Variants in KANSL1 observed in about 807,000 individuals in gnomAD.
KANSL1 encodes KAT8 regulatory NSL complex subunit 1.
Under a neutral mutation model 103.6 loss-of-function variants are expected in KANSL1, and 22 were observed. The observed-to-expected ratio is 0.21, with a 90% confidence interval of 0.15 to 0.30. The LOEUF (loss-of-function observed/expected upper bound fraction) is 0.30. Ranked by LOEUF, KANSL1 falls within the 10% of genes least tolerant of loss-of-function variation. KANSL1 has a pLI of 1.00. For synonymous variants in KANSL1, 600 were observed against 527.6 expected (o/e 1.14, Z -1.88); for missense variants, 1,337 against 1,399.8 (o/e 0.96, Z 0.72).
At chr17:46,064,824 CA>C (rs2078315310) in intron 6 of KANSL1, among the ~76,000 whole-genome samples, 1 of 151,440 alleles carries the variant, frequency 6.6e-6, no homozygotes, top group Admixed American at 6.6e-5. Flanking sequence ...AGCTCTCCAG[CA>C]CTCTCTATTC....
At chr17:46,119,345 G>C (rs1231974919) in intron 2 of KANSL1, among the ~76,000 whole-genome samples, 1 of 151,276 alleles carries the variant, frequency 6.6e-6, no homozygotes. Flanking sequence ...TTTGAGATGG[G>C]GAGTCTCGCT....
At chr17:46,169,805 G>A (rs1404723749) in intron 2 of KANSL1, among the ~76,000 whole-genome samples, 4 of 152,128 alleles carry the variant, frequency 2.6e-5, no homozygotes, top group East Asian at 1.9e-4. Flanking sequence ...GGAATGAAAC[G>A]TCTCTGTCTC....
intron 4 of KANSL1, among the ~76,000 whole-genome samples, chr17:46,081,153 A>T (rs1184137036): frequency 6.6e-6 from 1 of 152,206 alleles, no homozygotes; most frequent in Non-Finnish European, 1.5e-5. Context: ...TGTCCTTCAG[A>T]AGTGCTGAGG....
chr17:46,062,902 T>C (rs547546759), intron 6 of KANSL1, among the ~76,000 whole-genome samples: 2 of 151,468 alleles, frequency 1.3e-5, no homozygotes, highest in South Asian at 4.2e-4. Context: ...ATACAAAAAA[T>C]AGCTGGGCGT....
chr17:46,209,820 A>C (rs2048099450), intron 1 of KANSL1, among the ~76,000 whole-genome samples: 1 of 152,212 alleles, frequency 6.6e-6, no homozygotes, highest in Non-Finnish European at 1.5e-5. Flanking sequence ...AAGGCATTTA[A>C]GTATAAATTA....
chr17:46,101,698 G>A (rs1488081860), intron 2 of KANSL1, among the ~76,000 whole-genome samples: 2 of 140,342 alleles, frequency 1.4e-5, no homozygotes, highest in African/African-American at 5.3e-5. Context: ...AGGTTACAGT[G>A]AGTCGAGATC....
intron 2 of KANSL1, among the ~76,000 whole-genome samples, chr17:46,115,732 G>A (rs1194273291): frequency 2.0e-5 from 3 of 152,166 alleles, no homozygotes; most frequent in East Asian, 1.9e-4. Flanking sequence ...AAAGCCAACC[G>A]ATAAATCTTT....
intron 2 of KANSL1, among the ~76,000 whole-genome samples, chr17:46,157,578 G>A (rs7225176): frequency 0.03 from 4,631 of 152,258 alleles, 225 homozygotes; most frequent in African/African-American, 0.1. Context: ...TTGGACCTGA[G>A]ACCTGCTTAC....
intron 2 of KANSL1, among the ~76,000 whole-genome samples, chr17:46,105,962 T>C (rs1407540110): frequency 7.8e-6 from 1 of 127,712 alleles, no homozygotes; most frequent in Non-Finnish European, 1.6e-5. Context: ...CCCAGAAGGG[T>C]GAAGGAGCAG....
chr17:46,092,625 G>C (rs996852338), intron 3 of KANSL1, among the ~76,000 whole-genome samples: 2 of 146,116 alleles, frequency 1.4e-5, no homozygotes, highest in Non-Finnish European at 3.0e-5. Context: ...TAACATGACT[G>C]TATTTGAACA....
At chr17:46,214,654 T>TTAA (rs2048284214) in intron 1 of KANSL1, among the ~76,000 whole-genome samples, 1 of 133,494 alleles carries the variant, frequency 7.5e-6, no homozygotes, top group Non-Finnish European at 1.8e-5. Flanking sequence ...AAATTCCGTC[T>TTAA]CAAAAAAAAA....
chr17:46,219,234 C>T (rs538019839), intron 1 of KANSL1, among the ~76,000 whole-genome samples: 4 of 144,326 alleles, frequency 2.8e-5, no homozygotes, highest in African/African-American at 7.8e-5. Context: ...GACAACAAAG[C>T]GAGACTCTTG....
chr17:46,059,643 A>AGAGAGAGAG (rs750783539), intron 6 of KANSL1, among the ~76,000 whole-genome samples: 1 of 49,374 alleles, frequency 2.0e-5, no homozygotes, highest in African/African-American at 8.0e-5. Flanking sequence ...AAAAAAAAAA[A>AGAGAGAGAG]AAAAAGAGAG....
chr17:46,153,214 T>C (rs950375842), intron 2 of KANSL1, among the ~76,000 whole-genome samples: 2 of 152,220 alleles, frequency 1.3e-5, no homozygotes, highest in African/African-American at 4.8e-5. Flanking sequence ...ACGCAGCTCA[T>C]CAACGCATTT....
Position 46,105,865 on chromosome 17 carries a change from T to TCACACACACA in KANSL1, c.1290-11174_1290-11165dup, listed in dbSNP as rs373943708. 2.9e-3 allele frequency among the ~76,000 whole-genome samples: 384 copies of TCACACACACA among 134,664 alleles called. 3 individuals carry two copies. Among genetic ancestry groups the TCACACACACA allele is most frequent in the African/African-American group, 9.4e-3 (317 of 33,660 alleles). 88.3% of individuals were successfully genotyped at this position (134,664 alleles called of 152,430 possible). ...CAGCCTGGGCAGCACAGCAAGACCT[T>TCACACACACA]CACACACACACACACACACACACAC... On this transcript the variant is annotated intron_variant, in intron 2 of 14. Transcript: ENST00000432791.
chr17:46,038,615 A>C lies in KANSL1; in HGVS notation c.2464T>G (p.Leu822Val), dbSNP rs754877424. ...GAGGAGGTGGAGAGCTGTCGCACCAAGGGACTGTGTGGAGGATGGTGGGTG... is the reference window on the plus strand; with the variant it reads ...GAGGAGGTGGAGAGCTGTCGCACCACGGGACTGTGTGGAGGATGGTGGGTG... Reference protein sequence around the residue: ...AATHHPPHSPLVRQLSTSSDS... With the variant: ...AATHHPPHSPVVRQLSTSSDS... The change falls in exon 10 of 15, where the codon TTG becomes GTG. Residue 822 changes from leucine (L) to valine (V), a missense_variant. Leu to Val is a conservative substitution (Grantham distance 32). Transcript: ENST00000432791. 1.6e-5 allele frequency: 26 copies of C among 1,614,044 alleles called. No individual in the cohort carries two copies. Among genetic ancestry groups the C allele is most frequent in the Non-Finnish European group, 2.1e-5 (25 of 1,180,026 alleles).
At chr17:46,175,399 G>A (rs1355267743) in intron 1 of KANSL1, among the ~76,000 whole-genome samples, 1 of 151,548 alleles carries the variant, frequency 6.6e-6, no homozygotes, top group Non-Finnish European at 1.5e-5. Flanking sequence ...GCCCAGGCTG[G>A]AGTGCAGTGG....
chr17:46,194,985 T>A (rs1374309886), upstream of KANSL1, among the ~76,000 whole-genome samples: 3 of 152,238 alleles, frequency 2.0e-5, no homozygotes, highest in Admixed American at 2.0e-4. Flanking sequence ...AGTCATAGGG[T>A]CAAATTACAC....
rs761222202 is a variant in KANSL1 at position 46,172,159 on chromosome 17, AG to A, written c.-17del. ...TCGCAGCCATTCAGCACAGAGAGAC[AG>A]GAAGTCCAGCCTCTCCCGATGCCGA... On this transcript the variant is annotated 5_prime_UTR_variant, in exon 2 of 15. Coordinates refer to ENST00000432791, the MANE Select transcript of KANSL1 (RefSeq NM_015443.4). 1.9e-6 allele frequency: 3 copies of A among 1,597,608 alleles called. No individual in the cohort carries two copies. The highest frequency in any genetic ancestry group is 2.5e-6 in the Non-Finnish European group (3 of 1,178,100).
Sources: gnomAD v4.1 joint callset for allele counts (sites outside exome capture counted in the v4.1 genomes callset) on GRCh38, gnomAD v4.1.1 for gene constraint, MANE v1.5 for transcripts, NCBI Gene and HGNC (gene_info 2026-07-23, HGNC 2026-07-21) for gene names.